The following KIAA1217 variants were observed in gnomAD, a reference collection of about 807,000 sequenced individuals.
KIAA1217 encodes KIAA1217, also known as sickle tail protein homolog.
Under a neutral mutation model 163.9 loss-of-function variants are expected in KIAA1217, and 88 were observed. That is an observed-to-expected ratio of 0.54 (90% CI 0.45 to 0.64). KIAA1217 has a LOEUF of 0.64. Ranked by LOEUF, KIAA1217 falls within the 30% of genes least tolerant of loss-of-function variation. The pLI is 0.00. For missense variants in KIAA1217, 2,372 were observed against 2,475.0 expected (o/e 0.96, Z 0.88); for synonymous variants, 903 against 923.1 (o/e 0.98, Z 0.39).
At chr10:23,810,646 G>A (rs1836970390) in intron 1 of KIAA1217, among the ~76,000 whole-genome samples, 1 of 127,108 alleles carries the variant, frequency 7.9e-6, no homozygotes, top group South Asian at 2.4e-4. Flanking sequence ...TAAATATATA[G>A]TGTGTATATA....
At chr10:23,807,678 CT>C (rs1435837410) in intron 1 of KIAA1217, among the ~76,000 whole-genome samples, 1 of 152,188 alleles carries the variant, frequency 6.6e-6, no homozygotes, top group African/African-American at 2.4e-5. Context: ...CAGCCTTTCA[CT>C]TCAGCACACA....
intron 1 of KIAA1217, among the ~76,000 whole-genome samples, chr10:23,825,039 A>G (rs1837835175): frequency 6.6e-6 from 1 of 152,138 alleles, no homozygotes; most frequent in Non-Finnish European, 1.5e-5. Context: ...TTTGGTCTCA[A>G]TTCAGCAAAA....
At position 23,855,658 on chromosome 10, in the gene KIAA1217, G is replaced by A. The variant is rs1288262794; in HGVS notation, c.-320-151567G>A. Among the ~76,000 whole-genome samples, 9 of 152,288 alleles carry A rather than the reference G, an allele frequency of 5.9e-5. No homozygotes were observed. In the East Asian group the frequency reaches 1.2e-3, roughly 20 times the overall value. On this transcript the variant is annotated intron_variant, in intron 1 of 18. Transcript: ENST00000376462. ...TCACTTTCAGGTACACCAATCAGAC[G>A]TAGATTTCGTCTTTTCATGTAGTCC...
chr10:23,935,728 G>A (rs936598258), intron 1 of KIAA1217, among the ~76,000 whole-genome samples: 1 of 152,090 alleles, frequency 6.6e-6, no homozygotes, highest in Non-Finnish European at 1.5e-5. Flanking sequence ...TATACTATTT[G>A]CACCTGCATA....
At chr10:23,875,594 C>G (rs1365442188) in intron 1 of KIAA1217, among the ~76,000 whole-genome samples, 1 of 152,024 alleles carries the variant, frequency 6.6e-6, no homozygotes, top group African/African-American at 2.4e-5. Context: ...AATCCCATTA[C>G]TGGGGATATA....
At chr10:24,369,141 A>G (rs2051203723) in intron 2 of KIAA1217, among the ~76,000 whole-genome samples, 1 of 151,074 alleles carries the variant, frequency 6.6e-6, no homozygotes, top group South Asian at 2.1e-4. Context: ...GAGGAAAATC[A>G]GAATCTTTGG....
At chr10:24,436,924 T>C (rs2060092451) in intron 4 of KIAA1217, among the ~76,000 whole-genome samples, 1 of 152,162 alleles carries the variant, frequency 6.6e-6, no homozygotes, top group Non-Finnish European at 1.5e-5. Flanking sequence ...ATCTCATCAT[T>C]GTGTTAGGCT....
At chr10:24,307,772 C>A (rs1002337185) in intron 2 of KIAA1217, among the ~76,000 whole-genome samples, 2 of 152,064 alleles carry the variant, frequency 1.3e-5, no homozygotes, top group East Asian at 3.9e-4. Context: ...CAGAGTGAGA[C>A]CTTGTCTCAA....
chr10:24,356,980 A>G (rs919944811), intron 2 of KIAA1217, among the ~76,000 whole-genome samples: 3 of 152,272 alleles, frequency 2.0e-5, no homozygotes, highest in Admixed American at 2.0e-4. Flanking sequence ...ATTAAGGGCC[A>G]GATAAATGCC....
chr10:23,910,438 C>A (rs989531828), intron 1 of KIAA1217, among the ~76,000 whole-genome samples: 5 of 152,102 alleles, frequency 3.3e-5, no homozygotes, highest in Non-Finnish European at 7.4e-5. Context: ...CCCAAGGAAA[C>A]CTCTGCATGG....
At chr10:24,229,408 G>A (rs1170182547) in intron 2 of KIAA1217, among the ~76,000 whole-genome samples, 1 of 152,198 alleles carries the variant, frequency 6.6e-6, no homozygotes, top group Non-Finnish European at 1.5e-5. Flanking sequence ...CTAATCCAAT[G>A]GCGAAATGAT....
intron 2 of KIAA1217, among the ~76,000 whole-genome samples, chr10:24,346,011 C>T (rs1417223960): frequency 6.6e-6 from 1 of 152,128 alleles, no homozygotes; most frequent in Non-Finnish European, 1.5e-5. Context: ...TACTTTCTGT[C>T]TCTGTGAGCT....
intron 1 of KIAA1217, among the ~76,000 whole-genome samples, chr10:23,962,700 C>A (rs1844868955): frequency 6.6e-6 from 1 of 152,162 alleles, no homozygotes; most frequent in African/African-American, 2.4e-5. Context: ...AATTACTTTG[C>A]CCACACAGAA....
intron 3 of KIAA1217, among the ~76,000 whole-genome samples, chr10:24,417,917 G>A (rs1478473397): frequency 2.0e-5 from 3 of 149,732 alleles, no homozygotes; most frequent in African/African-American, 7.4e-5. Flanking sequence ...AAAGGAGCAA[G>A]CACCATGGTT....
intron 1 of KIAA1217, among the ~76,000 whole-genome samples, chr10:23,716,967 C>A (rs1837611722): frequency 6.6e-6 from 1 of 151,958 alleles, no homozygotes; most frequent in Non-Finnish European, 1.5e-5. Flanking sequence ...TGTCACTCTC[C>A]CATGCCTGTC....
chr10:23,860,696 G>C (rs907190200), intron 1 of KIAA1217, among the ~76,000 whole-genome samples: 8 of 151,990 alleles, frequency 5.3e-5, no homozygotes, highest in African/African-American at 1.9e-4. Context: ...GATGTTAACT[G>C]TTATTAAGGT....
intron 2 of KIAA1217, among the ~76,000 whole-genome samples, chr10:24,201,697 CT>C (rs1266774795): frequency 7.9e-5 from 12 of 152,154 alleles, no homozygotes; most frequent in Admixed American, 4.6e-4. Context: ...TACCCCGCCT[CT>C]GCTTCCGCCC....
chr10:23,790,498 T>G (rs1239605668), intron 1 of KIAA1217, among the ~76,000 whole-genome samples: 1 of 106,280 alleles, frequency 9.4e-6, no homozygotes, highest in Non-Finnish European at 1.8e-5. Flanking sequence ...CATATATACA[T>G]GTGCATATAT....
At chr10:24,199,968 A>G (rs2067171468) in intron 2 of KIAA1217, among the ~76,000 whole-genome samples, 1 of 151,800 alleles carries the variant, frequency 6.6e-6, no homozygotes, top group Non-Finnish European at 1.5e-5. Flanking sequence ...ATATTTTAGG[A>G]TAACATTTAG....
Sources: gnomAD v4.1 joint callset for allele counts (sites outside exome capture counted in the v4.1 genomes callset) on GRCh38, gnomAD v4.1.1 for gene constraint, MANE v1.5 for transcripts, NCBI Gene and HGNC (gene_info 2026-07-23, HGNC 2026-07-21) for gene names.